TBX1: variants seen among roughly 807,000 people sequenced by gnomAD.
The protein encoded by TBX1 is T-box transcription factor TBX1.
In TBX1, 16 loss-of-function variants were observed where a neutral mutation model predicts 40.8. The observed-to-expected ratio is 0.39, with a 90% CI of 0.27 to 0.60. The LOEUF (loss-of-function observed/expected upper bound fraction) is 0.60. Ranked by LOEUF, TBX1 falls within the 20% of genes least tolerant of loss-of-function variation. The pLI, the probability that TBX1 is intolerant of heterozygous loss-of-function variation, is 0.51. For missense variants in TBX1, 755 were observed against 728.5 expected (o/e 1.04, Z -0.42); for synonymous variants, 403 against 336.8 (o/e 1.20, Z -2.15).
upstream of TBX1, among the ~76,000 whole-genome samples, chr22:19,757,521 CA>C (rs1207369828): frequency 3.3e-5 from 5 of 152,214 alleles, no homozygotes; most frequent in Non-Finnish European, 7.3e-5. Context: ...ACACAGGACA[CA>C]AGCTTGGGCA....
At chr22:19,770,552 CTGTT>C (rs1433685155), downstream of TBX1, among the ~76,000 whole-genome samples, 13 of 152,346 alleles carry the variant, frequency 8.5e-5, no homozygotes, top group Middle Eastern at 6.8e-3. Flanking sequence ...CAAGGCGAGT[CTGTT>C]TGGTGGCACC....
In TBX1 at chr22:19,766,581, G is replaced by C. The variant is rs1176229784; in HGVS notation, c.1229G>C (p.Arg410Pro). 6.8e-7 allele frequency: 1 copy of C among 1,467,746 alleles called. No individual in the cohort carries two copies. Among genetic ancestry groups the C allele is most frequent in the Non-Finnish European group, 9.0e-7 (1 of 1,113,468 alleles). 90.9% of individuals were successfully genotyped at this position (1,467,746 alleles called of 1,614,324 possible). The part of the protein sequence containing the change: ...GRPSPPNPEL[R>P]LEAPGASEPL... ...CCCAGTCCCCCGAACCCCGAGCTGC[G>C]CCTGGAGGCGCCCGGCGCATCGGAG... The change falls in exon 7 of 7, where the codon CGC (arginine) becomes CCC (proline). Residue 410 changes from arginine (R) to proline (P), a missense_variant. Around this residue, in one of 3 missense-constraint regions of TBX1, gnomAD observed 412 missense variants for 317.6 expected, o/e 1.30. Transcript: ENST00000649276.
rs1294800251 is a variant in TBX1, at chr22:19,761,018, T to G, written c.175T>G (p.Tyr59Asp). The change falls in exon 1 of 7, where the codon TAC (tyrosine) becomes GAC (aspartate). Residue 59 changes from tyrosine to aspartate, a missense_variant. Tyr to Asp is a radical substitution (Grantham distance 160). Around this residue, in one of 3 missense-constraint regions of TBX1, gnomAD observed 199 missense variants for 173.0 expected, o/e 1.15. Coordinates refer to ENST00000649276, the MANE Select transcript of TBX1 (RefSeq NM_001379200.1). ...CGAGCCCCCGCCGCCGCCGCCGCGC[T>G]ACGACCCGTGCGCCGCCGCCGCCCC... The part of the protein sequence containing the change: ...PREPPPPPPR[Y>D]DPCAAAAPGA... 1.1e-6 allele frequency: 1 copy of G among 890,316 alleles called. No individual in the cohort carries two copies. Among genetic ancestry groups the G allele is most frequent in the Non-Finnish European group, 1.3e-6 (1 of 747,924 alleles). The allele number at this position is 890,316 out of a possible 1,614,324, so 55.2% of individuals were successfully genotyped here. A position where few individuals can be genotyped will look rare whatever the true frequency, so the allele number is the denominator to read the frequency against.
At chr22:19,776,474 G>A (rs774259584) in intron 8 of TBX1, among the ~76,000 whole-genome samples, 2 of 152,202 alleles carry the variant, frequency 1.3e-5, no homozygotes, top group African/African-American at 4.8e-5. Flanking sequence ...GGGCCTGCAC[G>A]GGGTGGAGGG....
At chr22:19,771,333 A>T (rs1337935463), downstream of TBX1, among the ~76,000 whole-genome samples, 2 of 152,138 alleles carry the variant, frequency 1.3e-5, no homozygotes, top group African/African-American at 4.8e-5. Flanking sequence ...GGTGCCTTTG[A>T]TTCAATTCCC....
chr22:19,768,697 A>G (rs554663916), downstream of TBX1, among the ~76,000 whole-genome samples: 22 of 152,200 alleles, frequency 1.4e-4, no homozygotes, highest in African/African-American at 5.3e-4. Context: ...CTCCACATCC[A>G]GGATGTGCGG....
chr22:19,761,555 GC>G (rs1278929363), intron 1 of TBX1, among the ~76,000 whole-genome samples: 3 of 151,740 alleles, frequency 2.0e-5, no homozygotes, highest in African/African-American at 7.2e-5. Context: ...CGCGGGACTC[GC>G]CCGCCCGCCC....
chr22:19,760,031 G>A (rs12158954), upstream of TBX1, among the ~76,000 whole-genome samples: 107 of 152,290 alleles, frequency 7.0e-4, no homozygotes, highest in African/African-American at 2.4e-3. Flanking sequence ...CCTCGAGGAA[G>A]CCGTGGAGAC....
Position 19,766,944 on chromosome 22 carries a change from G to T in TBX1, c.*77G>T, listed in dbSNP as rs1569024825. The T allele has an allele frequency of 6.5e-7, 1 of 1,544,484 alleles. No individual in the cohort carries two copies. On this transcript the variant is annotated 3_prime_UTR_variant, in exon 7 of 7. Transcript: ENST00000649276. ...CGGGCCCGGCCACCCTGCCCCAAGG[G>T]CAAGCAAGGAATACGTTCCCCCAGC...
At chr22:19,781,240 C>CT (rs1455267638), downstream of TBX1, among the ~76,000 whole-genome samples, 8 of 151,972 alleles carry the variant, frequency 5.3e-5, no homozygotes, top group Non-Finnish European at 1.0e-4. Context: ...AGTCATTTGT[C>CT]TATTTTTTTT....
upstream of TBX1, chr22:19,759,502 G>A (rs1002269382): frequency 6.7e-7 from 1 of 1,497,946 alleles, no homozygotes; most frequent in South Asian, 1.3e-5. Flanking sequence ...CTATGGACGC[G>A]CGGAGCCCGC....
At position 19,760,866 on chromosome 22, in the gene TBX1, C is replaced by A. The variant is rs1361568460; in HGVS notation, c.23C>A (p.Pro8Gln). The A allele has an allele frequency of 4.8e-6, 5 of 1,040,490 alleles. No homozygotes were observed. Among genetic ancestry groups the A allele is most frequent in the South Asian group, 2.8e-5 (1 of 36,250 alleles). The allele number at this position is 1,040,490 out of a possible 1,614,324, so 64.5% of individuals were successfully genotyped here. A position where few individuals can be genotyped will look rare whatever the true frequency, so the allele number is the denominator to read the frequency against. Residue 8 changes from proline to glutamine, a missense_variant, in exon 1 of 7, where the codon CCG becomes CAG. Pro to Gln is a moderately conservative substitution (Grantham distance 76). Coordinates refer to ENST00000649276, the MANE Select transcript of TBX1 (RefSeq NM_001379200.1). Reference protein sequence around the residue: MISAVSSPWLTQLSHFCD... With the variant: MISAVSSQWLTQLSHFCD... ...GTCATGATCTCCGCCGTGTCCAGCC[C>A]GTGGCTCACGCAGCTCTCGCATTTC...
intron 2 of TBX1, 89 bp from the exon 3 acceptor site, chr22:19,764,066 C>T: frequency 6.7e-7 from 1 of 1,490,268 alleles, no homozygotes; most frequent in East Asian, 2.3e-5. Context: ...GGAAACTTCT[C>T]AAAGGCACTT....
At chr22:19,763,443 A>C (rs1601288003) in intron 2 of TBX1, 101 bp downstream of exon 2, 1 of 1,074,944 alleles carries the variant, frequency 9.3e-7, no homozygotes, top group Non-Finnish European at 1.4e-6. Context: ...GCACCATGAA[A>C]CTCTTTAGGC....
chr22:19,770,865 G>C (rs41299942), downstream of TBX1, among the ~76,000 whole-genome samples: 862 of 152,252 alleles, frequency 5.7e-3, 11 homozygotes, highest in African/African-American at 0.019. Context: ...GAAAGGGATG[G>C]CTCCAGTGTG....
upstream of TBX1, among the ~76,000 whole-genome samples, chr22:19,759,163 C>G (rs1936557089): frequency 6.6e-6 from 1 of 152,216 alleles, no homozygotes; most frequent in Non-Finnish European, 1.5e-5. Context: ...GGTGGCTTCG[C>G]TGCACAGAGA....
In TBX1 at chr22:19,766,906, C is replaced by A; in HGVS notation, c.*39C>A. 1 of 1,574,498 alleles carries A rather than the reference C, an allele frequency of 6.4e-7. No individual in the cohort carries two copies. The stretch of plus-strand genomic sequence containing the variant: ...GCGCTCCCGCCCCGGTCCTGCACAG[C>A]CCCGAAGTTCGCCGGGCCCGGCCAC... On this transcript the variant is annotated 3_prime_UTR_variant, in exon 7 of 7. Transcript: ENST00000649276.
downstream of TBX1, among the ~76,000 whole-genome samples, chr22:19,771,165 C>A (rs972932344): frequency 6.6e-6 from 1 of 152,210 alleles, no homozygotes; most frequent in South Asian, 2.1e-4. Context: ...TCCTTCACCC[C>A]CCGCCCTGAA....
chr22:19,769,564 G>T (rs1190012987), downstream of TBX1, among the ~76,000 whole-genome samples: 1 of 152,260 alleles, frequency 6.6e-6, no homozygotes, highest in African/African-American at 2.4e-5. Context: ...CATGTGCTCA[G>T]TCCTCAACCA....
Sources: allele counts gnomAD v4.1 joint callset (sites outside exome capture counted in the v4.1 genomes callset), GRCh38; gene constraint gnomAD v4.1.1; regional missense constraint gnomAD v4.1.1; transcripts MANE v1.5; gene names NCBI Gene and HGNC (gene_info 2026-07-23, HGNC 2026-07-21).